Variants in ANK2 observed in about 807,000 individuals in gnomAD.
ANK2 encodes the protein ankyrin 2, also known as ankyrin-2.
Under a neutral mutation model 360.5 loss-of-function variants are expected in ANK2, and 83 were observed. That is an observed-to-expected ratio of 0.23 (90% CI 0.19 to 0.28). The LOEUF (loss-of-function observed/expected upper bound fraction) is 0.28, where lower values mean the gene tolerates loss of function less well. Among genes scored for constraint, ANK2 ranks in the 10% least tolerant of loss-of-function variants. The probability of loss-of-function intolerance (pLI) is 1.00; values close to 1 mark genes in which losing one functional copy is unlikely to be tolerated. For synonymous variants in ANK2, 1,740 were observed against 1,759.5 expected, an observed-to-expected ratio of 0.99 and a Z score of 0.28; for missense variants, 4,201 against 4,795.7, an observed-to-expected ratio of 0.88 and a Z score of 3.66.
At chr4:113,288,841 A>C (rs1182819805) in intron 20 of ANK2, among the ~76,000 whole-genome samples, 1 of 151,914 alleles carries the variant, frequency 6.6e-6, no homozygotes, top group African/African-American at 2.4e-5. Context: ...TTCTCCTCTC[A>C]TGAAGAAATA....
At chr4:112,742,078 G>A in the ANK2 span, among the ~76,000 whole-genome samples, 1 of 151,964 alleles carries the variant, frequency 6.6e-6, no homozygotes, top group African/African-American at 2.4e-5. Flanking sequence ...GACTGCTTGA[G>A]ACCAGGAGTT....
rs535754716 is a variant in ANK2 at position 113,358,276 on chromosome 4, G to A, written c.9658G>A (p.Val3220Ile). The change falls in exon 38 of 46, where the codon GTA (valine) becomes ATA (isoleucine). Residue 3220 changes from valine (V) to isoleucine (I), a missense_variant. Val to Ile is a conservative substitution (Grantham distance 29). Around this residue, in one of 4 missense-constraint regions of ANK2, gnomAD observed 2,642 missense variants for 2,714.5 expected, o/e 0.97. Transcript: ENST00000357077. ...TETPTKEAVS[V>I]GTKDLPTVQT... ...AACACCTACAAAAGAAGCTGTTAGT[G>A]TAGGGACCAAGGACCTCCCCACCGT... is the stretch of plus-strand genomic sequence containing the variant. 9 of 1,613,984 alleles carry A rather than the reference G, an allele frequency of 5.6e-6. No homozygotes were observed. The highest frequency in any genetic ancestry group is 1.7e-4 in the Middle Eastern group (1 of 6,056).
chr4:113,134,592 T>A (rs1040973336), intron 1 of ANK2, among the ~76,000 whole-genome samples: 2 of 152,154 alleles, frequency 1.3e-5, no homozygotes, highest in African/African-American at 4.8e-5. Flanking sequence ...TTATCAGAGA[T>A]GTTTTTTTAA....
At chr4:112,739,934 T>C in the ANK2 span, among the ~76,000 whole-genome samples, 3 of 152,154 alleles carry the variant, frequency 2.0e-5, no homozygotes, top group Non-Finnish European at 4.4e-5. Flanking sequence ...AGGTCAAGAC[T>C]GCAGTGAACT....
chr4:112,868,015 C>T (rs1308898617), intron 1 of ANK2, among the ~76,000 whole-genome samples: 1 of 152,130 alleles, frequency 6.6e-6, no homozygotes, highest in Non-Finnish European at 1.5e-5. Flanking sequence ...TTTACATTTC[C>T]ATCAGCATAA....
intron 1 of ANK2, among the ~76,000 whole-genome samples, chr4:112,824,622 G>A (rs2058010851): frequency 5.3e-5 from 8 of 151,470 alleles, no homozygotes; most frequent in Middle Eastern, 3.4e-3. Flanking sequence ...CTCCTGCCTC[G>A]CCTCCCAGGT....
At chr4:112,907,671 T>C (rs557170234) in intron 2 of ANK2, among the ~76,000 whole-genome samples, 1 of 152,324 alleles carries the variant, frequency 6.6e-6, no homozygotes, top group East Asian at 1.9e-4. Context: ...AATTTTTTTC[T>C]TTACAATTAA....
At chr4:113,000,580 GGTAA>G (rs142439805) in intron 2 of ANK2, among the ~76,000 whole-genome samples, 1,910 of 152,198 alleles carry the variant, frequency 0.013, 40 homozygotes, top group African/African-American at 0.042. Context: ...AAGATAATCC[GGTAA>G]GTGAGTTACA....
intron 37 of ANK2, 42 bp from the exon 38 acceptor site, chr4:113,353,003 T>G: frequency 1.3e-5 from 21 of 1,601,512 alleles, no homozygotes; most frequent in Non-Finnish European, 1.7e-5. Context: ...ATATCTTTTT[T>G]GATTTCCATT....
intron 2 of ANK2, among the ~76,000 whole-genome samples, chr4:113,013,635 T>C (rs931145559): frequency 2.0e-5 from 3 of 152,190 alleles, no homozygotes; most frequent in African/African-American, 7.2e-5. Context: ...ATAAAACATA[T>C]ATGTGTTTCC....
At chr4:112,735,366 A>G in the ANK2 span, among the ~76,000 whole-genome samples, 1 of 152,136 alleles carries the variant, frequency 6.6e-6, no homozygotes, top group African/African-American at 2.4e-5. Context: ...AAAATATAAA[A>G]TTCCCTGGAT....
intron 22 of ANK2, among the ~76,000 whole-genome samples, chr4:113,297,570 A>G (rs1055016997): frequency 2.0e-5 from 3 of 152,168 alleles, no homozygotes; most frequent in African/African-American, 7.2e-5. Context: ...AAAATTTTAA[A>G]AATAGGAGCC....
chr4:113,103,534 A>C (rs533830437), intron 1 of ANK2, among the ~76,000 whole-genome samples: 4 of 152,274 alleles, frequency 2.6e-5, no homozygotes, highest in African/African-American at 7.2e-5. Context: ...GTCAAAAGAC[A>C]CTCCAGTATA....
intron 2 of ANK2, among the ~76,000 whole-genome samples, chr4:112,915,815 T>G: frequency 6.6e-6 from 1 of 151,816 alleles, no homozygotes; most frequent in Admixed American, 6.6e-5. Flanking sequence ...ATTTTTGGAT[T>G]TAATCTTGAG....
In ANK2 at chr4:113,356,656, G is replaced by C. The variant is rs528646691; in HGVS notation, c.8038G>C (p.Gly2680Arg). The part of the protein sequence containing the change: ...LAQLKKGADS[G>R]LLPEPVIRVQ... Reference sequence around the variant, plus strand: ...ACAGCTTAAAAAAGGTGCTGACTCAGGCCTTTTACCAGAACCAGTGATTCG... The same window carrying C: ...ACAGCTTAAAAAAGGTGCTGACTCACGCCTTTTACCAGAACCAGTGATTCG... The change falls in exon 38 of 46, where the codon GGC (glycine) becomes CGC (arginine). Residue 2680 changes from glycine to arginine, a missense_variant. Gly to Arg is a moderately radical substitution (Grantham distance 125, BLOSUM62 -2). Around this residue, in one of 4 missense-constraint regions of ANK2, gnomAD observed 2,642 missense variants for 2,714.5 expected, o/e 0.97. Transcript: ENST00000357077. 1 of 1,614,062 alleles carries C rather than the reference G, an allele frequency of 6.2e-7. No homozygotes were observed. The highest frequency in any genetic ancestry group is 1.1e-5 in the South Asian group (1 of 91,074).
chr4:112,834,240 TG>T (rs2060506761), intron 1 of ANK2, among the ~76,000 whole-genome samples: 1 of 152,218 alleles, frequency 6.6e-6, no homozygotes, highest in Non-Finnish European at 1.5e-5. Flanking sequence ...TTATTAACTT[TG>T]TTAGGTGAGA....
chr4:113,117,326 G>A (rs1380933071), intron 1 of ANK2: 2 of 456,124 alleles, frequency 4.4e-6, no homozygotes, highest in Non-Finnish European at 4.4e-6. Flanking sequence ...AAAAGTTCGA[G>A]AGGCTGATCT....
upstream of ANK2, among the ~76,000 whole-genome samples, chr4:112,815,352 A>G (rs1333305389): frequency 1.3e-5 from 2 of 152,238 alleles, no homozygotes; most frequent in Admixed American, 1.3e-4. Context: ...TAGGTGTTCA[A>G]TTAAATAAGT....
intron 1 of ANK2, among the ~76,000 whole-genome samples, chr4:112,854,133 A>G (rs112518462): frequency 1.3e-5 from 2 of 152,158 alleles, no homozygotes; most frequent in African/African-American, 2.4e-5. Flanking sequence ...GGGCACTTCT[A>G]TAGAGAAGGG....
Sources: gnomAD v4.1 joint callset for allele counts (sites outside exome capture counted in the v4.1 genomes callset) on GRCh38, gnomAD v4.1.1 for gene constraint, gnomAD v4.1.1 regional missense constraint, MANE v1.5 for transcripts, NCBI Gene and HGNC (gene_info 2026-07-23, HGNC 2026-07-21) for gene names.